The following SLC24A3 variants were observed in gnomAD, a reference collection of about 807,000 sequenced individuals.
SLC24A3 encodes the protein solute carrier family 24 member 3.
SLC24A3 carries 28 observed loss-of-function variants against 75.8 expected under a neutral mutation model. The ratio of observed to expected loss-of-function variants is 0.37; its 90% CI spans 0.27 to 0.51. The LOEUF is 0.51. SLC24A3 is among the 20% of genes least tolerant of loss of function. The probability of loss-of-function intolerance (pLI) is 0.94; values close to 1 mark genes in which losing one functional copy is unlikely to be tolerated. For synonymous variants in SLC24A3, 372 were observed against 334.1 expected (o/e 1.11, Z -1.24); for missense variants, 663 against 847.8 (o/e 0.78, Z 2.71).
At chr20:19,463,549 A>AG (rs2122497738) in intron 2 of SLC24A3, among the ~76,000 whole-genome samples, 1 of 152,210 alleles carries the variant, frequency 6.6e-6, no homozygotes, top group South Asian at 2.1e-4. Flanking sequence ...CATGAATTTG[A>AG]GGTTGTCCTA....
chr20:19,664,250 G>A (rs6046234), intron 7 of SLC24A3, among the ~76,000 whole-genome samples: 20,880 of 152,168 alleles, frequency 0.14, 1,633 homozygotes, highest in Non-Finnish European at 0.18. Context: ...AAGAAAGTTG[G>A]GGGGGTTATA....
intron 2 of SLC24A3, among the ~76,000 whole-genome samples, chr20:19,377,394 C>A (rs1986102713): frequency 6.6e-6 from 1 of 152,150 alleles, no homozygotes; most frequent in Non-Finnish European, 1.5e-5. Context: ...AGCATAATAG[C>A]AGCATGACTG....
At chr20:19,545,495 A>G (rs2030573734) in intron 3 of SLC24A3, among the ~76,000 whole-genome samples, 1 of 152,106 alleles carries the variant, frequency 6.6e-6, no homozygotes, top group South Asian at 2.1e-4. Context: ...TCCCATGTGG[A>G]GTTGAAAGGA....
At chr20:19,599,749 G>A (rs891389653) in intron 6 of SLC24A3, among the ~76,000 whole-genome samples, 8 of 152,128 alleles carry the variant, frequency 5.3e-5, no homozygotes, top group African/African-American at 1.9e-4. Context: ...ATGCCAATAC[G>A]CTGTGGTGCT....
intron 3 of SLC24A3, among the ~76,000 whole-genome samples, chr20:19,551,279 A>G (rs968572501): frequency 6.6e-6 from 1 of 152,230 alleles, no homozygotes; most frequent in Non-Finnish European, 1.5e-5. Context: ...AATGGAATGC[A>G]TGAATTTGAA....
chr20:19,539,483 A>G (rs1169701324), intron 3 of SLC24A3, among the ~76,000 whole-genome samples: 1 of 152,190 alleles, frequency 6.6e-6, no homozygotes, highest in Non-Finnish European at 1.5e-5. Context: ...TCTGCTGACT[A>G]ATAAACATCT....
At chr20:19,311,299 G>T (rs886232133) in intron 2 of SLC24A3, among the ~76,000 whole-genome samples, 5 of 151,942 alleles carry the variant, frequency 3.3e-5, no homozygotes, top group African/African-American at 1.2e-4. Context: ...CAGGGCCCGC[G>T]GATGGGTTCT....
At chr20:19,260,838 C>G (rs1982962928) in intron 1 of SLC24A3, among the ~76,000 whole-genome samples, 1 of 152,176 alleles carries the variant, frequency 6.6e-6, no homozygotes, top group Non-Finnish European at 1.5e-5. Flanking sequence ...AGGTAACCCC[C>G]TCCGGCATGG....
intron 7 of SLC24A3, 64 bp downstream of exon 7, chr20:19,654,200 G>T (rs2032239162): frequency 1.3e-6 from 2 of 1,483,106 alleles, no homozygotes; most frequent in Non-Finnish European, 1.9e-6. Context: ...GTGGTGTGAG[G>T]CTCCTCCACA....
chr20:19,623,247 C>T (rs1348990243), intron 6 of SLC24A3, among the ~76,000 whole-genome samples: 2 of 152,212 alleles, frequency 1.3e-5, no homozygotes, highest in Non-Finnish European at 2.9e-5. Flanking sequence ...GCCAGCACTG[C>T]AGGCCCATGT....
chr20:19,342,886 T>C (rs575074044), intron 2 of SLC24A3, among the ~76,000 whole-genome samples: 3 of 151,902 alleles, frequency 2.0e-5, no homozygotes, highest in Middle Eastern at 3.4e-3. Flanking sequence ...CTGGCTAACA[T>C]GGTGAAACCC....
At chr20:19,673,472 C>G in intron 8 of SLC24A3, 129 bp from the exon 9 acceptor site, 2 of 725,134 alleles carry the variant, frequency 2.8e-6, no homozygotes, top group Non-Finnish European at 4.9e-6. Flanking sequence ...AGGAAATATC[C>G]GTCACCTAGC....
intron 3 of SLC24A3, among the ~76,000 whole-genome samples, chr20:19,531,266 G>T (rs1258256500): frequency 6.6e-6 from 1 of 152,190 alleles, no homozygotes. Flanking sequence ...AGTTTTTCTA[G>T]AAGTTCCAAC....
At chr20:19,676,245 C>T (rs997522175) in intron 9 of SLC24A3, among the ~76,000 whole-genome samples, 1 of 152,184 alleles carries the variant, frequency 6.6e-6, no homozygotes, top group East Asian at 1.9e-4. Flanking sequence ...TGGCAGGACA[C>T]GTGTACAGTA....
intron 2 of SLC24A3, among the ~76,000 whole-genome samples, chr20:19,430,085 G>T (rs1240515337): frequency 6.6e-6 from 1 of 152,072 alleles, no homozygotes; most frequent in Non-Finnish European, 1.5e-5. Context: ...GAAGGGATTT[G>T]GTTTGATCTT....
intron 6 of SLC24A3, among the ~76,000 whole-genome samples, chr20:19,629,782 A>C (rs1600310388): frequency 6.6e-6 from 1 of 152,248 alleles, no homozygotes; most frequent in Non-Finnish European, 1.5e-5. Flanking sequence ...ACTGACGGCC[A>C]AGAATACTGT....
At position 19,682,007 on chromosome 20, in the gene SLC24A3, A is replaced by G. The variant is rs1426054863; in HGVS notation, c.901+16A>G. On this transcript the variant is annotated intron_variant, in intron 10 of 16. Coordinates refer to ENST00000328041, the MANE Select transcript of SLC24A3 (RefSeq NM_020689.4). ...CTTAAGAAAGGTAACCAAGGAGAGCACTTTGGGGTCCAAGGCAGGAGGATC... is the reference window on the plus strand; with the variant it reads ...CTTAAGAAAGGTAACCAAGGAGAGCGCTTTGGGGTCCAAGGCAGGAGGATC... 6.2e-7 allele frequency: 1 copy of G among 1,612,772 alleles called. No homozygotes were observed. The highest frequency in any genetic ancestry group is 8.5e-7 in the Non-Finnish European group (1 of 1,179,696).
chr20:19,283,929 C>T (rs923632509), intron 2 of SLC24A3, among the ~76,000 whole-genome samples: 58 of 152,184 alleles, frequency 3.8e-4, no homozygotes, highest in African/African-American at 1.3e-3. Context: ...CCCTGCAGAG[C>T]GAGTCTGTCA....
intron 2 of SLC24A3, among the ~76,000 whole-genome samples, chr20:19,439,592 A>G (rs1223112728): frequency 5.3e-5 from 8 of 152,178 alleles, no homozygotes; most frequent in Non-Finnish European, 7.3e-5. Context: ...ATGATTACTA[A>G]TAATAGCCTG....
Sources: allele counts gnomAD v4.1 joint callset (sites outside exome capture counted in the v4.1 genomes callset), GRCh38; gene constraint gnomAD v4.1.1; transcripts MANE v1.5; gene names NCBI Gene and HGNC (gene_info 2026-07-23, HGNC 2026-07-21).